The following TIAM1 variants were observed in gnomAD, a reference collection of about 807,000 sequenced individuals.
The protein encoded by TIAM1 is TIAM Rac1 associated GEF 1.
Under a neutral mutation model 163.5 loss-of-function variants are expected in TIAM1, and 65 were observed. The ratio of observed to expected loss-of-function variants is 0.40; its 90% confidence interval spans 0.33 to 0.49. The LOEUF (loss-of-function observed/expected upper bound fraction) is 0.49. Ranked by LOEUF, TIAM1 falls within the 20% of genes least tolerant of loss-of-function variation. The pLI is 0.77. For synonymous variants in TIAM1, 833 were observed against 810.1 expected, an observed-to-expected ratio of 1.03 and a Z score of -0.48; for missense variants, 1,789 against 2,044.7, an observed-to-expected ratio of 0.87 and a Z score of 2.41.
rs1419445645 is a variant in TIAM1 at position 31,130,203 on chromosome 21, G to GA, written c.4045+9dup. On this transcript the variant is annotated intron_variant, in intron 25 of 27. Coordinates refer to ENST00000541036, the MANE Select transcript of TIAM1 (RefSeq NM_001353694.2). ...TGTGTGTGAAATACCCAGCACAGGT[G>GA]AGAGTTTACCTGCACTCGCCAAAGC... The GA allele has an allele frequency of 3.5e-5, 56 of 1,611,640 alleles. No individual in the cohort carries two copies. Among genetic ancestry groups the GA allele is most frequent in the Non-Finnish European group, 4.5e-5 (53 of 1,178,054 alleles).
chr21:31,240,701 C>A (rs999481743), intron 6 of TIAM1, among the ~76,000 whole-genome samples: 4 of 152,184 alleles, frequency 2.6e-5, no homozygotes, highest in African/African-American at 7.2e-5. Flanking sequence ...TTGTGAAAAA[C>A]AATTAATGAC....
intron 2 of TIAM1, among the ~76,000 whole-genome samples, chr21:31,312,259 A>G (rs1175769820): frequency 1.3e-5 from 2 of 152,224 alleles, no homozygotes; most frequent in East Asian, 3.9e-4. Context: ...GTCCCTCTAG[A>G]GAACCCTAAT....
At chr21:31,514,345 C>T (rs1400492273) in intron 1 of TIAM1, among the ~76,000 whole-genome samples, 2 of 151,966 alleles carry the variant, frequency 1.3e-5, no homozygotes, top group South Asian at 2.1e-4. Flanking sequence ...TAAAGATTAG[C>T]CACCAATTGC....
chr21:31,371,682 T>A (rs1464953833), intron 2 of TIAM1, among the ~76,000 whole-genome samples: 1 of 152,236 alleles, frequency 6.6e-6, no homozygotes, highest in Non-Finnish European at 1.5e-5. Flanking sequence ...CTAAGAGGAA[T>A]GACCGTTGAT....
intron 2 of TIAM1, among the ~76,000 whole-genome samples, chr21:31,290,020 G>C (rs879424587): frequency 1.2e-4 from 19 of 152,112 alleles, no homozygotes; most frequent in Non-Finnish European, 2.6e-4. Context: ...CAAAAAAATA[G>C]TTCTAAGCAT....
At chr21:31,273,156 G>A (rs1439364329) in intron 3 of TIAM1, among the ~76,000 whole-genome samples, 1 of 152,152 alleles carries the variant, frequency 6.6e-6, no homozygotes, top group Non-Finnish European at 1.5e-5. Flanking sequence ...TTTTGTTTTT[G>A]TTGTCCTAAT....
chr21:31,285,274 G>A (rs186693275), intron 2 of TIAM1, among the ~76,000 whole-genome samples: 5 of 152,168 alleles, frequency 3.3e-5, no homozygotes, highest in South Asian at 2.1e-4. Flanking sequence ...TTGTGGGGGG[G>A]GCGGTGAGGC....
chr21:31,218,260 T>C (rs2087330627), intron 8 of TIAM1, among the ~76,000 whole-genome samples: 1 of 152,128 alleles, frequency 6.6e-6, no homozygotes, highest in Admixed American at 6.6e-5. Context: ...CTCTATTCCA[T>C]CTTAGTCAGA....
At chr21:31,557,388 G>C (rs934886488) in intron 1 of TIAM1, among the ~76,000 whole-genome samples, 6 of 152,164 alleles carry the variant, frequency 3.9e-5, no homozygotes, top group African/African-American at 1.4e-4. Context: ...TATTTCATAC[G>C]TGGCTGTCAC....
At chr21:31,190,362 T>A (rs765252454) in intron 13 of TIAM1, among the ~76,000 whole-genome samples, 1 of 152,198 alleles carries the variant, frequency 6.6e-6, no homozygotes, top group East Asian at 1.9e-4. Flanking sequence ...CAGGGAGTCA[T>A]GATCCCACCA....
intron 5 of TIAM1, among the ~76,000 whole-genome samples, chr21:31,250,462 G>GC (rs1279884162): frequency 3.3e-5 from 5 of 152,216 alleles, no homozygotes; most frequent in Admixed American, 2.6e-4. Context: ...TCCTACTTGT[G>GC]CAAGGGTTGA....
chr21:31,388,212 AACACACACAC>A lies in TIAM1; in HGVS notation c.-368-48800_-368-48791del, dbSNP rs11369323. On this transcript the variant is annotated intron_variant, in intron 2 of 28. Transcript: ENST00000286827. ...TCTTTATCCAACGCAAGAAGACCCT[AACACACACAC>A]ACACACACACACACACACACACACA... 3.4e-4 allele frequency among the ~76,000 whole-genome samples: 39 copies of A among 115,940 alleles called. 1 individual carries two copies. The highest frequency in any genetic ancestry group is 2.7e-3 in the South Asian group (9 of 3,302). The allele number at this position is 115,940 out of a possible 152,430, so 76.1% of individuals were successfully genotyped here. A position where few individuals can be genotyped will look rare whatever the true frequency, so the allele number is the denominator to read the frequency against.
chr21:31,165,458 A>G (rs1477571722), intron 15 of TIAM1, among the ~76,000 whole-genome samples: 1 of 152,034 alleles, frequency 6.6e-6, no homozygotes, highest in East Asian at 1.9e-4. Context: ...AGAGATAGAA[A>G]CCAGAGTTCG....
chr21:31,207,307 T>C (rs938414964), intron 11 of TIAM1, among the ~76,000 whole-genome samples: 6 of 152,210 alleles, frequency 3.9e-5, no homozygotes, highest in Non-Finnish European at 8.8e-5. Flanking sequence ...GGTGCTCAGA[T>C]GGCAGATGGC....
chr21:31,294,427 G>A (rs1275425525), intron 2 of TIAM1, among the ~76,000 whole-genome samples: 1 of 152,198 alleles, frequency 6.6e-6, no homozygotes, highest in Admixed American at 6.5e-5. Flanking sequence ...CCACCACAGA[G>A]CAGGGAGTTT....
chr21:31,184,205 G>T (rs369523770), intron 14 of TIAM1, among the ~76,000 whole-genome samples: 1 of 150,744 alleles, frequency 6.6e-6, no homozygotes, highest in African/African-American at 2.4e-5. Flanking sequence ...TCCCCGGTTC[G>T]AGTGATTCTC....
At chr21:31,376,800 A>C (rs2076695079) in intron 2 of TIAM1, among the ~76,000 whole-genome samples, 1 of 152,018 alleles carries the variant, frequency 6.6e-6, no homozygotes, top group Non-Finnish European at 1.5e-5. Flanking sequence ...GCTCCAATCT[A>C]GAAAGCACAA....
intron 4 of TIAM1, among the ~76,000 whole-genome samples, chr21:31,255,198 A>G (rs890500075): frequency 6.6e-6 from 1 of 152,202 alleles, no homozygotes; most frequent in African/African-American, 2.4e-5. Flanking sequence ...GCTCCGTGTC[A>G]TCAACGGGGA....
chr21:31,521,229 T>C (rs1273667243), intron 1 of TIAM1, among the ~76,000 whole-genome samples: 1 of 152,164 alleles, frequency 6.6e-6, no homozygotes, highest in African/African-American at 2.4e-5. Context: ...TATGGCCAGA[T>C]AACTGGAAAT....
Sources: allele counts gnomAD v4.1 joint callset (sites outside exome capture counted in the v4.1 genomes callset), GRCh38; gene constraint gnomAD v4.1.1; transcripts MANE v1.5; gene names NCBI Gene and HGNC (gene_info 2026-07-23, HGNC 2026-07-21).